Variants in MYO5B observed in about 807,000 individuals in gnomAD.
MYO5B encodes the protein myosin VB.
In MYO5B, 143 loss-of-function variants were observed where a neutral mutation model predicts 229.3. The ratio of observed to expected loss-of-function variants is 0.62; its 90% confidence interval spans 0.54 to 0.72. The LOEUF is 0.72. MYO5B is among the 30% of genes least tolerant of loss of function. MYO5B has a pLI of 0.00. For synonymous variants in MYO5B, 918 were observed against 885.2 expected (o/e 1.04, Z -0.66); for missense variants, 2,321 against 2,331.0 (o/e 1.00, Z 0.09).
chr18:50,004,858 G>A (rs770857635), intron 4 of MYO5B, among the ~76,000 whole-genome samples: 11 of 152,152 alleles, frequency 7.2e-5, no homozygotes, highest in Non-Finnish European at 1.5e-4. Context: ...ACTGTGTTCT[G>A]TGTACATATC....
intron 1 of MYO5B, among the ~76,000 whole-genome samples, chr18:50,149,901 CAAAATGGGAG>C (rs2032568829): frequency 6.8e-6 from 1 of 146,312 alleles, no homozygotes; most frequent in Non-Finnish European, 1.5e-5. Context: ...AGGCAACCTA[CAAAATGGGAG>C]AAAATTTTCA....
At chr18:50,189,848 A>G (rs1340352184) in intron 1 of MYO5B, among the ~76,000 whole-genome samples, 1 of 152,182 alleles carries the variant, frequency 6.6e-6, no homozygotes, top group African/African-American at 2.4e-5. Context: ...AGGGACTGTT[A>G]AAGGACACCT....
chr18:50,035,823 G>C (rs7239417), intron 4 of MYO5B, among the ~76,000 whole-genome samples: 1 of 152,094 alleles, frequency 6.6e-6, no homozygotes, highest in Non-Finnish European at 1.5e-5. Flanking sequence ...TCCAATCAGT[G>C]CTTATTTTGA....
At chr18:49,906,255 T>A (rs1404709436) in intron 19 of MYO5B, among the ~76,000 whole-genome samples, 164 bp downstream of exon 19, 3 of 151,996 alleles carry the variant, frequency 2.0e-5, no homozygotes, top group Non-Finnish European at 4.4e-5. Context: ...AGGCATTGAT[T>A]ATAGGGATAG....
chr18:50,043,903 G>A (rs2030144038), intron 2 of MYO5B, among the ~76,000 whole-genome samples: 1 of 151,862 alleles, frequency 6.6e-6, no homozygotes, highest in African/African-American at 2.4e-5. Flanking sequence ...GAAAAGGAGT[G>A]AGGGATAAAA....
At chr18:50,151,229 G>A (rs1307352844) in intron 1 of MYO5B, among the ~76,000 whole-genome samples, 1 of 152,180 alleles carries the variant, frequency 6.6e-6, no homozygotes, top group Admixed American at 6.5e-5. Flanking sequence ...CCAAGGCTTT[G>A]TAGTTCAGAG....
intron 7 of MYO5B, among the ~76,000 whole-genome samples, chr18:49,987,304 G>C (rs1303229245): frequency 6.6e-6 from 1 of 152,118 alleles, no homozygotes; most frequent in Non-Finnish European, 1.5e-5. Context: ...TTCCATATGC[G>C]TTAAGGTCTG....
chr18:50,108,331 A>G (rs1424941564), intron 1 of MYO5B, among the ~76,000 whole-genome samples: 5 of 152,252 alleles, frequency 3.3e-5, no homozygotes, highest in Non-Finnish European at 7.3e-5. Context: ...GTACTGTTTT[A>G]TAGTTTGAGT....
At chr18:49,832,568 A>C (rs2023936340) in intron 39 of MYO5B, among the ~76,000 whole-genome samples, 1 of 152,208 alleles carries the variant, frequency 6.6e-6, no homozygotes, top group South Asian at 2.1e-4. Flanking sequence ...AATCGCTGGG[A>C]AATAGGTTTA....
chr18:49,956,916 A>AG (rs2025498596), intron 12 of MYO5B, among the ~76,000 whole-genome samples: 4 of 152,172 alleles, frequency 2.6e-5, no homozygotes, highest in Admixed American at 1.3e-4. Context: ...CTGGGGCTGG[A>AG]GGGGGGCAAT....
At chr18:49,980,327 T>C in intron 9 of MYO5B, 117 bp downstream of exon 9, 5 of 806,036 alleles carry the variant, frequency 6.2e-6, no homozygotes, top group Non-Finnish European at 2.2e-6. Context: ...CAGAAACCAT[T>C]ACTGTTAAGA....
At chr18:49,965,483 A>ACACACC (rs1351541282) in intron 10 of MYO5B, among the ~76,000 whole-genome samples, 1 of 148,840 alleles carries the variant, frequency 6.7e-6, no homozygotes, top group African/African-American at 2.5e-5. Flanking sequence ...ACACACACAC[A>ACACACC]CCTCTTCTCA....
chr18:50,065,329 C>A (rs1268236408), intron 1 of MYO5B, among the ~76,000 whole-genome samples: 9 of 152,208 alleles, frequency 5.9e-5, no homozygotes, highest in Admixed American at 5.2e-4. Flanking sequence ...AGTCTGTTTT[C>A]ACACTGCTAT....
At chr18:50,108,158 C>T (rs60753795) in intron 1 of MYO5B, among the ~76,000 whole-genome samples, 34,708 of 152,122 alleles carry the variant, frequency 0.23, 5,032 homozygotes, top group African/African-American at 0.42. Context: ...TCTGCCTACC[C>T]TGGCCTCCCA....
chr18:50,014,058 G>A (rs914574061), intron 4 of MYO5B, among the ~76,000 whole-genome samples: 1 of 152,240 alleles, frequency 6.6e-6, no homozygotes, highest in Admixed American at 6.5e-5. Context: ...AATTTCTCTA[G>A]CTTCTTCCTT....
chr18:49,954,161 G>T, intron 13 of MYO5B, 152 bp downstream of exon 13: 1 of 1,151,534 alleles, frequency 8.7e-7, no homozygotes, highest in Non-Finnish European at 1.3e-6. Flanking sequence ...TAGAAGTAGA[G>T]GGGTGGGTAA....
chr18:49,875,847 C>G lies in MYO5B; in HGVS notation c.3397-20G>C. On this transcript the variant is annotated intron_variant, in intron 25 of 39. Coordinates refer to ENST00000285039, the MANE Select transcript of MYO5B (RefSeq NM_001080467.3). Reference sequence around the variant, plus strand: ...AATTTCCTTCAAAGGAAGACAGGCACAGAAAAAAGGTTTTCCTAAATACAT... The same window carrying G: ...AATTTCCTTCAAAGGAAGACAGGCAGAGAAAAAAGGTTTTCCTAAATACAT... The G allele has an allele frequency of 6.2e-7, 1 of 1,613,856 alleles. No homozygotes were observed. The highest frequency in any genetic ancestry group is 1.1e-5 in the South Asian group (1 of 91,088).
chr18:50,060,572 G>A (rs1018178418), intron 1 of MYO5B, among the ~76,000 whole-genome samples: 1 of 152,178 alleles, frequency 6.6e-6, no homozygotes, highest in South Asian at 2.1e-4. Flanking sequence ...TCAAAGAAAA[G>A]CTTGTGATTT....
At chr18:49,902,530 G>A in intron 21 of MYO5B, 64 bp downstream of exon 21, 1 of 1,597,422 alleles carries the variant, frequency 6.3e-7, no homozygotes, top group Non-Finnish European at 8.5e-7. Flanking sequence ...GAAGCTGTGG[G>A]CTCTCTCAAA....
Sources: gnomAD v4.1 joint callset for allele counts (sites outside exome capture counted in the v4.1 genomes callset) on GRCh38, gnomAD v4.1.1 for gene constraint, MANE v1.5 for transcripts, NCBI Gene and HGNC (gene_info 2026-07-23, HGNC 2026-07-21) for gene names.